The following SORCS3 variants were observed in gnomAD, a reference collection of about 807,000 sequenced individuals.
The protein encoded by SORCS3 is VPS10 domain-containing receptor SorCS3.
SORCS3 carries 57 observed loss-of-function variants against 146.3 expected under a neutral mutation model. The ratio of observed to expected loss-of-function variants is 0.39; its 90% CI spans 0.31 to 0.49. The LOEUF (loss-of-function observed/expected upper bound fraction) is 0.49. SORCS3 is among the 20% of genes least tolerant of loss of function. SORCS3 has a pLI of 0.92. For synonymous variants in SORCS3, 653 were observed against 618.5 expected (o/e 1.06, Z -0.83); for missense variants, 1,341 against 1,575.5 (o/e 0.85, Z 2.52).
In SORCS3 at chr10:104,920,245, A is replaced by G. The variant is rs74751324; in HGVS notation, c.795+4313A>G. ...ATGGCTGCTGCTTTCCTTGGAGGCT[A>G]TGAATACATCAAATGAGATCTGTTG... On this transcript the variant is annotated intron_variant, in intron 3 of 26. Transcript: ENST00000369701. Among the ~76,000 whole-genome samples, 836 of 152,378 alleles carry G rather than the reference A, an allele frequency of 5.5e-3. 2 individuals carry two copies. Among genetic ancestry groups the G allele is most frequent in the Non-Finnish European group, 9.1e-3 (618 of 68,038 alleles).
chr10:104,785,591 TA>T lies in SORCS3; in HGVS notation c.628-57190del, dbSNP rs1554851154. On this transcript the variant is annotated intron_variant, in intron 1 of 26. Transcript: ENST00000369701. The stretch of plus-strand genomic sequence containing the variant: ...AAGAATTATCAATAAAAAAATAAAT[TA>T]AAAAAAAAAATGTGCTTGCTGTCAA... Among the ~76,000 whole-genome samples the T allele has an allele frequency of 3.8e-4, 56 of 148,246 alleles. 1 individual carries two copies. The highest frequency in any genetic ancestry group is 1.0e-3 in the East Asian group (5 of 4,918).
chr10:104,853,532 A>T (rs2018296646), intron 2 of SORCS3, among the ~76,000 whole-genome samples: 1 of 152,238 alleles, frequency 6.6e-6, no homozygotes, highest in South Asian at 2.1e-4. Flanking sequence ...TAGCAGCTGG[A>T]TGTCATGGAT....
intron 2 of SORCS3, among the ~76,000 whole-genome samples, chr10:104,854,485 G>A (rs1022194887): frequency 3.9e-5 from 6 of 152,092 alleles, no homozygotes; most frequent in East Asian, 3.9e-4. Context: ...AGTCCCCCTC[G>A]ATATTTTGCA....
chr10:105,050,421 G>T (rs1008586516), intron 5 of SORCS3, among the ~76,000 whole-genome samples: 2 of 152,092 alleles, frequency 1.3e-5, no homozygotes. Flanking sequence ...CTTATTGAGA[G>T]CCCCATGTGT....
chr10:104,915,240 C>T (rs749420259), intron 2 of SORCS3, among the ~76,000 whole-genome samples: 2 of 152,156 alleles, frequency 1.3e-5, no homozygotes, highest in Admixed American at 6.5e-5. Context: ...GCTTTTCACC[C>T]TGGACACACC....
chr10:104,791,769 G>A (rs2017498160), intron 1 of SORCS3, among the ~76,000 whole-genome samples: 1 of 152,128 alleles, frequency 6.6e-6, no homozygotes, highest in African/African-American at 2.4e-5. Context: ...AGATGGTCTA[G>A]AGCTGGAGCA....
intron 5 of SORCS3, among the ~76,000 whole-genome samples, chr10:105,069,541 C>T (rs1332530966): frequency 6.6e-6 from 1 of 152,320 alleles, no homozygotes. Context: ...AGTTCTTCTG[C>T]AGCTCTTCCT....
At chr10:105,087,875 C>G (rs1195794644) in intron 5 of SORCS3, among the ~76,000 whole-genome samples, 1 of 152,204 alleles carries the variant, frequency 6.6e-6, no homozygotes, top group Middle Eastern at 3.2e-3. Flanking sequence ...CACCTTGGTC[C>G]CATCTGTGAA....
intron 4 of SORCS3, 150 bp downstream of exon 4, chr10:104,977,643 A>G (rs890420936): frequency 2.0e-5 from 14 of 693,458 alleles, no homozygotes; most frequent in African/African-American, 1.1e-4. Context: ...GTCTGCAGCA[A>G]CTAACTTTCC....
intron 1 of SORCS3, among the ~76,000 whole-genome samples, chr10:104,770,202 T>C (rs1589492692): frequency 6.6e-6 from 1 of 152,288 alleles, no homozygotes; most frequent in Non-Finnish European, 1.5e-5. Flanking sequence ...GGAGGACATG[T>C]GAGATTGGGA....
intron 14 of SORCS3, among the ~76,000 whole-genome samples, chr10:105,185,502 A>T (rs1481049164): frequency 6.6e-6 from 1 of 152,112 alleles, no homozygotes; most frequent in African/African-American, 2.4e-5. Flanking sequence ...TTGTTCGTTG[A>T]AGTTGCCCTC....
intron 13 of SORCS3, among the ~76,000 whole-genome samples, chr10:105,171,290 G>C (rs2056357812): frequency 6.6e-6 from 1 of 152,160 alleles, no homozygotes; most frequent in African/African-American, 2.4e-5. Context: ...TGTACTTTTG[G>C]ATGCATTGAG....
At chr10:105,237,672 C>T (rs996849484) in intron 20 of SORCS3, among the ~76,000 whole-genome samples, 25 of 152,058 alleles carry the variant, frequency 1.6e-4, no homozygotes, top group African/African-American at 6.0e-4. Context: ...TGGGGAGTGC[C>T]GTGATTTTAG....
At chr10:104,903,622 A>G (rs1329875908) in intron 2 of SORCS3, among the ~76,000 whole-genome samples, 1 of 152,224 alleles carries the variant, frequency 6.6e-6, no homozygotes, top group Non-Finnish European at 1.5e-5. Context: ...GTTGTTTTGC[A>G]TAGAGCAGCA....
intron 8 of SORCS3, among the ~76,000 whole-genome samples, chr10:105,139,955 A>G (rs1016288240): frequency 1.3e-5 from 2 of 152,180 alleles, no homozygotes; most frequent in African/African-American, 4.8e-5. Context: ...TGCCACCATG[A>G]GTAATTAAAA....
intron 1 of SORCS3, among the ~76,000 whole-genome samples, chr10:104,671,924 T>C (rs899570469): frequency 7.2e-5 from 11 of 152,210 alleles, no homozygotes; most frequent in African/African-American, 2.4e-4. Flanking sequence ...GATACTGGTC[T>C]ATACTTTTCT....
chr10:104,946,070 T>G (rs562856880), intron 3 of SORCS3, among the ~76,000 whole-genome samples: 1 of 152,150 alleles, frequency 6.6e-6, no homozygotes, highest in African/African-American at 2.4e-5. Context: ...TAATATTAAT[T>G]CTGACTCTGG....
At chr10:105,001,947 T>C (rs1372177248) in intron 4 of SORCS3, among the ~76,000 whole-genome samples, 3 of 152,200 alleles carry the variant, frequency 2.0e-5, no homozygotes, top group Non-Finnish European at 4.4e-5. Flanking sequence ...CAGACATGTC[T>C]GACTTCATAG....
intron 3 of SORCS3, among the ~76,000 whole-genome samples, chr10:104,958,271 C>T (rs1332553849): frequency 6.6e-6 from 1 of 152,032 alleles, no homozygotes; most frequent in Non-Finnish European, 1.5e-5. Flanking sequence ...ACTGAGTAGC[C>T]AATTGTCAAT....
Sources: gnomAD v4.1 joint callset for allele counts (sites outside exome capture counted in the v4.1 genomes callset) on GRCh38, gnomAD v4.1.1 for gene constraint, MANE v1.5 for transcripts, NCBI Gene and HGNC (gene_info 2026-07-23, HGNC 2026-07-21) for gene names.